The following HS6ST3 variants were observed in gnomAD, a reference collection of about 807,000 sequenced individuals.
The protein encoded by HS6ST3 is heparan sulfate 6-O-sulfotransferase 3.
HS6ST3 carries 12 observed loss-of-function variants against 36.7 expected under a neutral mutation model. The ratio of observed to expected loss-of-function variants is 0.33; its 90% confidence interval spans 0.21 to 0.53. The LOEUF is 0.53. Among genes scored for constraint, HS6ST3 ranks in the 20% least tolerant of loss-of-function variants. The pLI, the probability that HS6ST3 is intolerant of heterozygous loss-of-function variation, is 0.95. For synonymous variants in HS6ST3, 240 were observed against 257.5 expected, an observed-to-expected ratio of 0.93 and a Z score of 0.65; for missense variants, 584 against 640.9, an observed-to-expected ratio of 0.91 and a Z score of 0.96.
chr13:96,779,166 T>C (rs1877465500), intron 1 of HS6ST3, among the ~76,000 whole-genome samples: 1 of 151,968 alleles, frequency 6.6e-6, no homozygotes, highest in Non-Finnish European at 1.5e-5. Context: ...CTGGGGCCTA[T>C]TGATGAGTGG....
chr13:96,114,800 A>G (rs564193410), intron 1 of HS6ST3, among the ~76,000 whole-genome samples: 2 of 152,358 alleles, frequency 1.3e-5, no homozygotes, highest in Admixed American at 1.3e-4. Flanking sequence ...CCATGCCCCC[A>G]GGCCTAGTAA....
intron 1 of HS6ST3, among the ~76,000 whole-genome samples, chr13:96,530,266 T>C (rs2056130463): frequency 6.6e-6 from 1 of 152,196 alleles, no homozygotes; most frequent in African/African-American, 2.4e-5. Flanking sequence ...AAAGTACCTC[T>C]TAAGATTCCT....
At chr13:96,420,545 A>G (rs1039945699) in intron 1 of HS6ST3, among the ~76,000 whole-genome samples, 29 of 152,194 alleles carry the variant, frequency 1.9e-4, no homozygotes, top group African/African-American at 6.0e-4. Context: ...CTAACTTTAG[A>G]GCAACAAATA....
At chr13:96,179,724 G>A (rs925327612) in intron 1 of HS6ST3, among the ~76,000 whole-genome samples, 1 of 152,114 alleles carries the variant, frequency 6.6e-6, no homozygotes, top group South Asian at 2.1e-4. Context: ...TTATACTTAT[G>A]AGTCTATCTC....
At chr13:96,581,284 A>C (rs2056341042) in intron 1 of HS6ST3, among the ~76,000 whole-genome samples, 2 of 149,772 alleles carry the variant, frequency 1.3e-5, no homozygotes, top group Non-Finnish European at 1.5e-5. Context: ...CAGTGGCATG[A>C]TCTTGGCTCA....
intron 1 of HS6ST3, among the ~76,000 whole-genome samples, chr13:96,143,621 T>C (rs2054042611): frequency 6.6e-6 from 1 of 151,998 alleles, no homozygotes; most frequent in Non-Finnish European, 1.5e-5. Flanking sequence ...ATTTTTAAAA[T>C]GATTACCATT....
intron 1 of HS6ST3, 120 bp from the exon 2 acceptor site, chr13:96,832,370 C>T (rs1257774795): frequency 1.4e-6 from 1 of 690,310 alleles, no homozygotes; most frequent in Non-Finnish European, 2.4e-6. Context: ...CAGGCGAATA[C>T]TCTCACATGA....
At chr13:96,679,534 C>T (rs983432889) in intron 1 of HS6ST3, among the ~76,000 whole-genome samples, 1 of 152,164 alleles carries the variant, frequency 6.6e-6, no homozygotes, top group Non-Finnish European at 1.5e-5. Context: ...TCTCATCCCT[C>T]ACCATCACCC....
At chr13:96,221,030 G>A (rs907738726) in intron 1 of HS6ST3, among the ~76,000 whole-genome samples, 1 of 152,110 alleles carries the variant, frequency 6.6e-6, no homozygotes, top group Non-Finnish European at 1.5e-5. Context: ...CAAATGAATG[G>A]ATAGAAATAG....
At chr13:96,684,215 G>C (rs141575480) in intron 1 of HS6ST3, among the ~76,000 whole-genome samples, 111 of 152,014 alleles carry the variant, frequency 7.3e-4, no homozygotes, top group African/African-American at 2.6e-3. Context: ...CTTGTCTCTT[G>C]ATCTCTCTTT....
chr13:96,812,389 C>T (rs1407682975), intron 1 of HS6ST3, among the ~76,000 whole-genome samples: 2 of 152,094 alleles, frequency 1.3e-5, no homozygotes, highest in South Asian at 2.1e-4. Context: ...TTAGCTTCTT[C>T]TAGAAAATAT....
At chr13:96,479,430 G>T (rs2055880020) in intron 1 of HS6ST3, among the ~76,000 whole-genome samples, 2 of 152,174 alleles carry the variant, frequency 1.3e-5, no homozygotes, top group Admixed American at 6.5e-5. Context: ...TGAAGCAATG[G>T]GGAATCATTG....
intron 1 of HS6ST3, among the ~76,000 whole-genome samples, chr13:96,238,014 A>C (rs2054542599): frequency 6.6e-6 from 1 of 152,144 alleles, no homozygotes; most frequent in African/African-American, 2.4e-5. Context: ...TGCCATCTTG[A>C]CATCTTCAGT....
At chr13:96,094,137 C>T (rs1253384447) in intron 1 of HS6ST3, among the ~76,000 whole-genome samples, 1 of 152,074 alleles carries the variant, frequency 6.6e-6, no homozygotes, top group Admixed American at 6.6e-5. Context: ...GCCATGTACC[C>T]AGGAGTAAGT....
At chr13:96,261,481 C>T (rs1261555115) in intron 1 of HS6ST3, among the ~76,000 whole-genome samples, 1 of 152,006 alleles carries the variant, frequency 6.6e-6, no homozygotes, top group African/African-American at 2.4e-5. Context: ...TAGTAAACAT[C>T]CTTGATGATA....
At chr13:96,803,968 A>C (rs773205950) in intron 1 of HS6ST3, among the ~76,000 whole-genome samples, 1 of 152,136 alleles carries the variant, frequency 6.6e-6, no homozygotes, top group Non-Finnish European at 1.5e-5. Context: ...TGCCCTCAAC[A>C]GCCTGCAGCT....
At chr13:96,584,862 A>T (rs536431840) in intron 1 of HS6ST3, among the ~76,000 whole-genome samples, 1 of 152,318 alleles carries the variant, frequency 6.6e-6, no homozygotes. Flanking sequence ...CCCTGAGAGA[A>T]ACACTGGCTG....
chr13:96,584,467 C>G (rs1386274560), intron 1 of HS6ST3, among the ~76,000 whole-genome samples: 6 of 152,156 alleles, frequency 3.9e-5, no homozygotes, highest in Non-Finnish European at 8.8e-5. Flanking sequence ...TTCTCCCTCA[C>G]TAGAAGTGAA....
chr13:96,302,317 A>T (rs911796439), intron 1 of HS6ST3, among the ~76,000 whole-genome samples: 10 of 147,364 alleles, frequency 6.8e-5, no homozygotes, highest in Non-Finnish European at 1.3e-4. Context: ...ATTGGAAATT[A>T]AAAAATTGTA....
Sources: allele counts gnomAD v4.1 joint callset (sites outside exome capture counted in the v4.1 genomes callset), GRCh38; gene constraint gnomAD v4.1.1; transcripts MANE v1.5; gene names NCBI Gene and HGNC (gene_info 2026-07-23, HGNC 2026-07-21).